LRRC53: variants seen among roughly 807,000 people sequenced by gnomAD.
The protein encoded by LRRC53 is leucine-rich repeat-containing protein 53.
Under a neutral mutation model 13.6 loss-of-function variants are expected in LRRC53, and 25 were observed. That is an observed-to-expected ratio of 1.83 (90% CI 1.34 to 2.56). The LOEUF (loss-of-function observed/expected upper bound fraction) is 2.56. Ranked by LOEUF, LRRC53 falls within the 30% of genes most tolerant of loss-of-function variation. The pLI, the probability that LRRC53 is intolerant of heterozygous loss-of-function variation, is 0.00. For missense variants in LRRC53, 527 were observed against 275.8 expected, an observed-to-expected ratio of 1.91 and a Z score of -6.45; for synonymous variants, 204 against 109.8, an observed-to-expected ratio of 1.86 and a Z score of -5.37.
At chr1:74,516,618 G>T (rs915760611), upstream of LRRC53, among the ~76,000 whole-genome samples, 2 of 152,154 alleles carry the variant, frequency 1.3e-5, no homozygotes, top group Non-Finnish European at 2.9e-5. Flanking sequence ...GTGGGACCTT[G>T]CTACTATGGG....
chr1:74,524,612 G>A, the LRRC53 span, among the ~76,000 whole-genome samples: 1 of 152,158 alleles, frequency 6.6e-6, no homozygotes, highest in South Asian at 2.1e-4. Context: ...TTAATCTAAT[G>A]TATTCATTCA....
chr1:74,507,225 C>CCG (rs1553153839), intron 1 of LRRC53, among the ~76,000 whole-genome samples: 4 of 124,148 alleles, frequency 3.2e-5, no homozygotes, highest in Non-Finnish European at 6.8e-5. Context: ...ATTTCTTCAC[C>CCG]CCCCCCCCAT....
the LRRC53 span, among the ~76,000 whole-genome samples, chr1:74,532,762 A>G: frequency 1.3e-3 from 201 of 152,172 alleles, no homozygotes; most frequent in Non-Finnish European, 2.0e-3. Flanking sequence ...ATAATGCTGC[A>G]TATCTACAAC....
intron 1 of LRRC53, among the ~76,000 whole-genome samples, chr1:74,506,966 G>C (rs1669936908): frequency 6.6e-6 from 1 of 151,998 alleles, no homozygotes; most frequent in Non-Finnish European, 1.5e-5. Context: ...TTGAGGGGGA[G>C]AGCCATTCAT....
intron 4 of LRRC53, among the ~76,000 whole-genome samples, chr1:74,474,002 C>G (rs895530491): frequency 6.6e-6 from 1 of 152,026 alleles, no homozygotes; most frequent in African/African-American, 2.4e-5. Flanking sequence ...CTGTTTTCTC[C>G]TCAAATACCT....
chr1:74,498,342 C>A (rs1320802051), intron 1 of LRRC53, among the ~76,000 whole-genome samples: 5 of 152,156 alleles, frequency 3.3e-5, no homozygotes. Context: ...TTTCTGGGGG[C>A]TACCCCATCT....
chr1:74,534,974 A>G, the LRRC53 span, among the ~76,000 whole-genome samples: 1 of 152,184 alleles, frequency 6.6e-6, no homozygotes, highest in Non-Finnish European at 1.5e-5. Flanking sequence ...GACAAAAGCT[A>G]CTAACAGCAC....
chr1:74,483,159 C>A, intron 2 of LRRC53, 103 bp downstream of exon 2: 1 of 639,820 alleles, frequency 1.6e-6, no homozygotes, highest in South Asian at 1.8e-5. Flanking sequence ...TAAAGGGTTA[C>A]CTCTTAAGCT....
At chr1:74,512,301 C>T (rs1670269120) in intron 1 of LRRC53, among the ~76,000 whole-genome samples, 1 of 152,126 alleles carries the variant, frequency 6.6e-6, no homozygotes, top group South Asian at 2.1e-4. Context: ...TAGAGCTCCA[C>T]CTTGAACCCA....
chr1:74,493,084 C>A (rs938271333), intron 1 of LRRC53, among the ~76,000 whole-genome samples: 1 of 152,100 alleles, frequency 6.6e-6, no homozygotes, highest in African/African-American at 2.4e-5. Context: ...GCCTTCTCTC[C>A]AATTTAGTCA....
intron 1 of LRRC53, among the ~76,000 whole-genome samples, chr1:74,497,266 C>A (rs1669376377): frequency 6.6e-6 from 1 of 152,116 alleles, no homozygotes; most frequent in Non-Finnish European, 1.5e-5. Flanking sequence ...TTCAGTATAG[C>A]AGATGTTTAC....
upstream of LRRC53, among the ~76,000 whole-genome samples, chr1:74,516,176 G>T (rs2100396494): frequency 6.6e-6 from 1 of 152,144 alleles, no homozygotes; most frequent in Admixed American, 6.5e-5. Context: ...TTAAAAATAT[G>T]GTCATTTATT....
chr1:74,495,596 T>C (rs924572402), intron 1 of LRRC53, among the ~76,000 whole-genome samples: 1 of 152,156 alleles, frequency 6.6e-6, no homozygotes, highest in African/African-American at 2.4e-5. Context: ...CTTTAAATAG[T>C]CATCTAATTC....
chr1:74,483,637 G>A (rs1370549373), intron 1 of LRRC53, among the ~76,000 whole-genome samples: 1 of 152,140 alleles, frequency 6.6e-6, no homozygotes, highest in Admixed American at 6.5e-5. Flanking sequence ...AAGTTACTTT[G>A]CAAAACAATG....
chr1:74,521,761 T>C, the LRRC53 span, among the ~76,000 whole-genome samples: 4 of 152,194 alleles, frequency 2.6e-5, no homozygotes, highest in Non-Finnish European at 5.9e-5. Context: ...GTCTCATAAA[T>C]GAATACATGA....
chr1:74,527,081 G>A, the LRRC53 span, among the ~76,000 whole-genome samples: 8 of 152,118 alleles, frequency 5.3e-5, no homozygotes, highest in African/African-American at 1.7e-4. Flanking sequence ...TTCAAGTCAC[G>A]TAGCCCCAAA....
the LRRC53 span, among the ~76,000 whole-genome samples, chr1:74,536,185 C>A: frequency 6.6e-6 from 1 of 152,040 alleles, no homozygotes; most frequent in Admixed American, 6.6e-5. Flanking sequence ...AGCACTTTTC[C>A]CATTCTTCTT....
rs778882887 is a variant in LRRC53 at position 74,475,810 on chromosome 1, C to G, written c.905G>C (p.Gly302Ala). 13 of 596,116 alleles carry G rather than the reference C, an allele frequency of 2.2e-5. No homozygotes were observed. Among genetic ancestry groups the G allele is most frequent in the Non-Finnish European group, 3.4e-5 (11 of 326,616 alleles). 36.9% of individuals were successfully genotyped at this position (596,116 alleles called of 1,614,324 possible). The change falls in exon 4 of 5, where the codon GGA (glycine) becomes GCA (alanine). Residue 302 changes from glycine to alanine, a missense_variant and splice_region_variant. Gly to Ala is a moderately conservative substitution (Grantham distance 60). Transcript: ENST00000294635. The part of the protein sequence containing the change: ...VALLTVLGFA[G>A]AVGLTCLGLV... ...ACCTAGGCAAGTGAGACCAACAGCT[C>G]CTATGACAAATAGAGAGACCATTAA...
chr1:74,511,184 G>A (rs566455852), intron 1 of LRRC53, among the ~76,000 whole-genome samples: 52 of 136,396 alleles, frequency 3.8e-4, no homozygotes, highest in African/African-American at 1.1e-3. Flanking sequence ...GTGAGCTACC[G>A]TGCCCGGCCT....
Sources: allele counts gnomAD v4.1 joint callset (sites outside exome capture counted in the v4.1 genomes callset), GRCh38; gene constraint gnomAD v4.1.1; transcripts MANE v1.5; gene names NCBI Gene and HGNC (gene_info 2026-07-23, HGNC 2026-07-21).